SDK1: variants seen among roughly 807,000 people sequenced by gnomAD.
The protein encoded by SDK1 is protein sidekick-1.
In SDK1, 157 loss-of-function variants were observed where a neutral mutation model predicts 245.5. The observed-to-expected ratio is 0.64, with a 90% CI of 0.56 to 0.73. SDK1 has a LOEUF of 0.73. Among genes scored for constraint, SDK1 ranks in the 30% least tolerant of loss-of-function variants. SDK1 has a pLI of 0.00. For synonymous variants in SDK1, 1,647 were observed against 1,278.5 expected (o/e 1.29, Z -6.15); for missense variants, 3,583 against 3,002.3 (o/e 1.19, Z -4.52).
chr7:4,127,416 G>A lies in SDK1; in HGVS notation c.3859G>A (p.Ala1287Thr). 1 of 1,614,204 alleles carries A rather than the reference G, an allele frequency of 6.2e-7. No homozygotes were observed. Among genetic ancestry groups the A allele is most frequent in the Non-Finnish European group, 8.5e-7 (1 of 1,180,022 alleles). The change falls in exon 26 of 45, where the codon GCT becomes ACT. Residue 1287 changes from alanine (A) to threonine (T), a missense_variant. Physicochemically the swap from Ala to Thr is moderately conservative, Grantham distance 58. Transcript: ENST00000404826. ...SAAPENVSAE[A>T]VSSTQILLTW... is the part of the protein sequence containing the mutation. ...CGCCCCTGAGAACGTGTCAGCCGAG[G>A]CTGTCAGCTCGACCCAGATTTTACT...
chr7:3,305,665 A>T (rs1474147904), intron 1 of SDK1, among the ~76,000 whole-genome samples: 1 of 152,212 alleles, frequency 6.6e-6, no homozygotes, highest in Admixed American at 6.5e-5. Flanking sequence ...TCATCTTAAT[A>T]AAGAGTCTTG....
intron 5 of SDK1, 148 bp downstream of exon 5, chr7:3,821,731 G>A (rs1161516933): frequency 4.3e-5 from 31 of 729,188 alleles, no homozygotes; most frequent in Non-Finnish European, 6.0e-5. Flanking sequence ...CCAATAGTTC[G>A]GAGAGCTTTA....
chr7:3,952,864 T>C (rs1780941152), intron 7 of SDK1, among the ~76,000 whole-genome samples: 1 of 152,160 alleles, frequency 6.6e-6, no homozygotes, highest in Non-Finnish European at 1.5e-5. Context: ...ATACAAAACC[T>C]ATTATCAGTT....
At chr7:4,219,920 G>A (rs1584474424) in intron 38 of SDK1, among the ~76,000 whole-genome samples, 189 bp from the exon 39 acceptor site, 1 of 151,806 alleles carries the variant, frequency 6.6e-6, no homozygotes, top group East Asian at 1.9e-4. Context: ...CACTTACCAA[G>A]CTTAAGCTCT....
intron 22 of SDK1, among the ~76,000 whole-genome samples, chr7:4,081,723 A>G (rs1248819643): frequency 1.3e-5 from 2 of 152,176 alleles, no homozygotes; most frequent in Admixed American, 6.5e-5. Context: ...TGACCTGTAA[A>G]GAGGTTTTAC....
At chr7:3,777,661 C>T (rs1056230521) in intron 4 of SDK1, among the ~76,000 whole-genome samples, 4 of 152,146 alleles carry the variant, frequency 2.6e-5, no homozygotes, top group African/African-American at 9.7e-5. Context: ...GGTGGGTATT[C>T]ACATATTTTC....
chr7:3,659,971 G>T (rs913724817), intron 4 of SDK1, among the ~76,000 whole-genome samples: 47 of 152,346 alleles, frequency 3.1e-4, no homozygotes, highest in African/African-American at 1.1e-3. Flanking sequence ...ACTGGATTCA[G>T]ATCGGATATG....
At chr7:3,739,435 C>T (rs953342240) in intron 4 of SDK1, among the ~76,000 whole-genome samples, 4 of 152,070 alleles carry the variant, frequency 2.6e-5, no homozygotes, top group African/African-American at 9.7e-5. Context: ...TGTGTGTTGG[C>T]ACACCTGTTG....
chr7:3,903,709 T>C (rs1781869595), intron 5 of SDK1, among the ~76,000 whole-genome samples: 1 of 152,136 alleles, frequency 6.6e-6, no homozygotes, highest in African/African-American at 2.4e-5. Flanking sequence ...TGCTATGTGG[T>C]ATGTGATGGT....
At chr7:3,411,935 A>C (rs1382720454) in intron 1 of SDK1, among the ~76,000 whole-genome samples, 1 of 152,218 alleles carries the variant, frequency 6.6e-6, no homozygotes, top group Non-Finnish European at 1.5e-5. Flanking sequence ...AGAAGAAATG[A>C]TTTCCAAACA....
Position 3,902,026 on chromosome 7 carries a change from G to T in SDK1, c.848-48897G>T, listed in dbSNP as rs562694700. Among the ~76,000 whole-genome samples the T allele has an allele frequency of 3.3e-5, 5 of 152,194 alleles. No individual in the cohort carries two copies. The South Asian group carries it at 8.3e-4, about 25-fold the overall frequency. ...TTTCTAGCACAACAAGCTGCTCCAGGCTCACCTGTATTTTTCCTGCCCCAG... is the reference window on the plus strand; with the variant it reads ...TTTCTAGCACAACAAGCTGCTCCAGTCTCACCTGTATTTTTCCTGCCCCAG... On this transcript the variant is annotated intron_variant, in intron 5 of 44. Transcript: ENST00000404826.
Position 4,267,003 on chromosome 7 carries a change from C to CT in SDK1, c.*1620dup, listed in dbSNP as rs1366723313. On this transcript the variant is annotated 3_prime_UTR_variant, in exon 45 of 45. Coordinates refer to ENST00000404826, the MANE Select transcript of SDK1 (RefSeq NM_152744.4). ...TGCAGAAAGTGTGGCCCCTGCTTAC[C>CT]TAGATGTTTTGTGCACCTCCATGGG... The CT allele has an allele frequency of 1.0e-6, 1 of 985,436 alleles. No individual in the cohort carries two copies. The highest frequency in any genetic ancestry group is 1.2e-6 in the Non-Finnish European group (1 of 830,030). 61.0% of individuals were successfully genotyped at this position (985,436 alleles called of 1,614,324 possible).
intron 4 of SDK1, among the ~76,000 whole-genome samples, chr7:3,773,779 G>A (rs955205845): frequency 1.3e-5 from 2 of 152,104 alleles, no homozygotes; most frequent in Non-Finnish European, 2.9e-5. Flanking sequence ...TTCTTCTCAG[G>A]TCTTTTCTGA....
At chr7:3,683,133 T>G (rs1206729721) in intron 4 of SDK1, among the ~76,000 whole-genome samples, 1 of 152,174 alleles carries the variant, frequency 6.6e-6, no homozygotes, top group Non-Finnish European at 1.5e-5. Context: ...TGGGAGTGAA[T>G]GTAGTGTGTG....
chr7:3,733,159 C>A (rs1397690109), intron 4 of SDK1, among the ~76,000 whole-genome samples: 1 of 152,164 alleles, frequency 6.6e-6, no homozygotes, highest in African/African-American at 2.4e-5. Flanking sequence ...CTATGGATGG[C>A]TCCCTGTGCA....
chr7:3,615,811 C>G (rs1480754824), intron 1 of SDK1, among the ~76,000 whole-genome samples: 1 of 145,582 alleles, frequency 6.9e-6, no homozygotes, highest in Non-Finnish European at 1.6e-5. Flanking sequence ...TTTTTTCCTT[C>G]TCACATTACA....
chr7:4,129,166 A>C (rs1784609930), intron 26 of SDK1, among the ~76,000 whole-genome samples: 1 of 135,276 alleles, frequency 7.4e-6, no homozygotes, highest in South Asian at 2.6e-4. Context: ...GGTGCCCTGG[A>C]GGAGAGCACC....
At chr7:4,023,271 C>T (rs1343750851) in intron 17 of SDK1, among the ~76,000 whole-genome samples, 4 of 152,168 alleles carry the variant, frequency 2.6e-5, no homozygotes, top group South Asian at 4.1e-4. Flanking sequence ...CGGCCAATCC[C>T]ATTTAATAGA....
At chr7:3,401,872 TTAAC>T (rs1243300861) in intron 1 of SDK1, among the ~76,000 whole-genome samples, 1 of 152,166 alleles carries the variant, frequency 6.6e-6, no homozygotes, top group Non-Finnish European at 1.5e-5. Context: ...TTATCACTAT[TTAAC>T]TATCTGGATT....
Sources: allele counts gnomAD v4.1 joint callset (sites outside exome capture counted in the v4.1 genomes callset), GRCh38; gene constraint gnomAD v4.1.1; transcripts MANE v1.5; gene names NCBI Gene and HGNC (gene_info 2026-07-23, HGNC 2026-07-21).